The following ELMO1 variants were observed in gnomAD, a reference collection of about 807,000 sequenced individuals.
ELMO1 encodes the protein engulfment and cell motility 1.
ELMO1 carries 26 observed loss-of-function variants against 98.9 expected under a neutral mutation model. The ratio of observed to expected loss-of-function variants is 0.26; its 90% CI spans 0.19 to 0.36. ELMO1 has a LOEUF of 0.36. Among genes scored for constraint, ELMO1 ranks in the 10% least tolerant of loss-of-function variants. The pLI is 1.00. For synonymous variants in ELMO1, 346 were observed against 346.0 expected (o/e 1.00, Z 0.00); for missense variants, 627 against 935.2 (o/e 0.67, Z 4.30).
intron 4 of ELMO1, among the ~76,000 whole-genome samples, chr7:37,276,278 A>AAG (rs899745442): frequency 1.3e-5 from 2 of 152,146 alleles, no homozygotes; most frequent in East Asian, 1.9e-4. Context: ...AAGAGAGAGA[A>AAG]AGAGAGAGAG....
At chr7:37,018,065 A>T (rs1794047448) in intron 15 of ELMO1, among the ~76,000 whole-genome samples, 1 of 152,338 alleles carries the variant, frequency 6.6e-6, no homozygotes, top group Admixed American at 6.5e-5. Flanking sequence ...TTATGTATAT[A>T]AAGTGTGCAG....
intron 16 of ELMO1, among the ~76,000 whole-genome samples, chr7:37,012,277 C>T (rs1007247970): frequency 2.0e-5 from 3 of 152,116 alleles, no homozygotes; most frequent in African/African-American, 4.8e-5. Flanking sequence ...TAGTGGGAAA[C>T]AAGGATGAGA....
intron 4 of ELMO1, among the ~76,000 whole-genome samples, chr7:37,287,950 C>CT (rs1056263402): frequency 2.6e-5 from 4 of 151,974 alleles, no homozygotes; most frequent in Non-Finnish European, 4.4e-5. Flanking sequence ...CAAATGTCAC[C>CT]TTTTTTTTGT....
intron 16 of ELMO1, among the ~76,000 whole-genome samples, chr7:36,905,286 T>C (rs1039783388): frequency 6.6e-6 from 1 of 152,194 alleles, no homozygotes; most frequent in Non-Finnish European, 1.5e-5. Flanking sequence ...CTTCTGTAGT[T>C]ACAAGGAATG....
At chr7:37,331,831 G>A (rs1333404341) in intron 2 of ELMO1, among the ~76,000 whole-genome samples, 4 of 152,160 alleles carry the variant, frequency 2.6e-5, no homozygotes, top group Non-Finnish European at 5.9e-5. Flanking sequence ...AGCAAACTGG[G>A]TGTAGTTCAC....
At chr7:37,044,148 G>A (rs773129769) in intron 15 of ELMO1, among the ~76,000 whole-genome samples, 4 of 152,038 alleles carry the variant, frequency 2.6e-5, no homozygotes, top group South Asian at 2.1e-4. Context: ...GCTATGCTCC[G>A]GCTAGGTGTG....
At chr7:37,423,042 G>C (rs986627666) in intron 1 of ELMO1, among the ~76,000 whole-genome samples, 1 of 152,212 alleles carries the variant, frequency 6.6e-6, no homozygotes, top group Non-Finnish European at 1.5e-5. Context: ...GGTAAACCAA[G>C]AAAATGGGAC....
intron 4 of ELMO1, among the ~76,000 whole-genome samples, chr7:37,274,809 C>G (rs1032856181): frequency 2.0e-5 from 3 of 152,132 alleles, no homozygotes; most frequent in Admixed American, 2.0e-4. Context: ...TCTCAGCCTC[C>G]CAAAGTGTTG....
chr7:36,953,842 TGTGTG>T (rs1788209495), intron 16 of ELMO1, among the ~76,000 whole-genome samples: 7 of 4,382 alleles, frequency 1.6e-3, no homozygotes, highest in Non-Finnish European at 3.6e-4. Flanking sequence ...GTATGTTTTG[TGTGTG>T]TGTGTGTGTG....
At chr7:37,060,423 T>C (rs1052186776) in intron 15 of ELMO1, among the ~76,000 whole-genome samples, 5 of 152,162 alleles carry the variant, frequency 3.3e-5, no homozygotes, top group Non-Finnish European at 7.4e-5. Context: ...AACTAAATAC[T>C]GCATATTCTC....
intron 1 of ELMO1, among the ~76,000 whole-genome samples, chr7:37,381,933 C>T (rs1802599117): frequency 6.6e-6 from 1 of 152,106 alleles, no homozygotes; most frequent in Non-Finnish European, 1.5e-5. Context: ...TTCAAGTTGA[C>T]TCCTAAGGAG....
chr7:36,905,283 AGTTACAAGGAAT>A (rs1783879735), intron 16 of ELMO1, among the ~76,000 whole-genome samples: 1 of 152,196 alleles, frequency 6.6e-6, no homozygotes, highest in African/African-American at 2.4e-5. Context: ...ATCCTTCTGT[AGTTACAAGGAAT>A]GACCCTCCCA....
Position 37,055,073 on chromosome 7 carries a change from C to T in ELMO1, c.1300+41546G>A, listed in dbSNP as rs751126647. The stretch of plus-strand genomic sequence containing the variant: ...TCATTTAGCTTTCCCACTACATCCA[C>T]GTCTCCCTTCAGCCATGTCAAAAAG... On this transcript the variant is annotated intron_variant, in intron 15 of 21. Coordinates refer to ENST00000310758, the MANE Select transcript of ELMO1 (RefSeq NM_014800.11). Among the ~76,000 whole-genome samples, 9 of 152,224 alleles carry T rather than the reference C, an allele frequency of 5.9e-5. No homozygotes were observed. The South Asian group carries it at 6.2e-4, about 10-fold the overall frequency.
rs533201868 is a variant in ELMO1, at chr7:37,161,787, A to G, written c.1087-28553T>C. On this transcript the variant is annotated intron_variant, in intron 13 of 21. Coordinates refer to ENST00000310758, the MANE Select transcript of ELMO1 (RefSeq NM_014800.11). ...TTAAGAAAATGGCTAGGTACACTAG[A>G]TAAGGTGATCAATGCAACATTCAAA... 6.6e-5 allele frequency among the ~76,000 whole-genome samples: 10 copies of G among 150,428 alleles called. No homozygotes were observed. In the East Asian group the frequency reaches 1.8e-3, roughly 27 times the overall value.
chr7:36,924,820 G>T (rs912890251), intron 16 of ELMO1, among the ~76,000 whole-genome samples: 1 of 152,250 alleles, frequency 6.6e-6, no homozygotes, highest in South Asian at 2.1e-4. Context: ...GTGGTCTGGG[G>T]GAATAATTGA....
chr7:36,971,115 G>A (rs931583559), intron 16 of ELMO1, among the ~76,000 whole-genome samples: 2 of 152,230 alleles, frequency 1.3e-5, no homozygotes, highest in African/African-American at 4.8e-5. Flanking sequence ...AGGGAGCTTG[G>A]AAAGGACTAC....
chr7:36,873,949 T>C (rs1204890216), intron 19 of ELMO1, among the ~76,000 whole-genome samples: 1 of 152,178 alleles, frequency 6.6e-6, no homozygotes, highest in Non-Finnish European at 1.5e-5. Flanking sequence ...AGCTCCATAG[T>C]AGAAGCTCCT....
At chr7:37,183,487 A>C (rs1351037941) in intron 13 of ELMO1, among the ~76,000 whole-genome samples, 2 of 152,184 alleles carry the variant, frequency 1.3e-5, no homozygotes, top group Non-Finnish European at 2.9e-5. Flanking sequence ...ACTACACATG[A>C]ATCCAACTTT....
At chr7:36,867,560 A>C (rs1170865494) in intron 20 of ELMO1, among the ~76,000 whole-genome samples, 1 of 151,960 alleles carries the variant, frequency 6.6e-6, no homozygotes, top group Non-Finnish European at 1.5e-5. Flanking sequence ...CTTTAAGCTT[A>C]AATTGCTCTC....
Sources: allele counts gnomAD v4.1 joint callset (sites outside exome capture counted in the v4.1 genomes callset), GRCh38; gene constraint gnomAD v4.1.1; transcripts MANE v1.5; gene names NCBI Gene and HGNC (gene_info 2026-07-23, HGNC 2026-07-21).